The following SLC26A8 variants were observed in gnomAD, a reference collection of about 807,000 sequenced individuals.
SLC26A8 encodes the protein testis anion transporter 1.
A neutral mutation model predicts 105.0 loss-of-function variants in SLC26A8; 70 were observed. The observed-to-expected ratio is 0.67, with a 90% CI of 0.55 to 0.81. SLC26A8 has a LOEUF of 0.81. Among genes scored for constraint, SLC26A8 ranks in the 40% least tolerant of loss-of-function variants. The pLI, the probability that SLC26A8 is intolerant of heterozygous loss-of-function variation, is 0.00. For synonymous variants in SLC26A8, 415 were observed against 438.3 expected (o/e 0.95, Z 0.66); for missense variants, 998 against 1,181.8 (o/e 0.84, Z 2.28).
rs1016758833 is a variant in SLC26A8, at chr6:35,947,877, A to G, written c.2472+3286T>C. ...GCCTGAGAGGCCGAGGCTGTGGTGC[A>G]CTGTGATCATGCCACTGCACTTCAG... On this transcript the variant is annotated intron_variant, in intron 19 of 19. Coordinates refer to ENST00000490799, the MANE Select transcript of SLC26A8 (RefSeq NM_052961.4). 1.1e-4 allele frequency among the ~76,000 whole-genome samples: 16 copies of G among 152,178 alleles called. 1 individual carries two copies. Among genetic ancestry groups the G allele is most frequent in the Admixed American group, 5.2e-4 (8 of 15,264 alleles).
chr6:35,955,534 G>A lies in SLC26A8; in HGVS notation c.1864-14C>T, dbSNP rs1220855109. On this transcript the variant is annotated splice_polypyrimidine_tract_variant and intron_variant, in intron 16 of 19. Coordinates refer to ENST00000490799, the MANE Select transcript of SLC26A8 (RefSeq NM_052961.4). ...TGTGTAAAGAATCTGGGACGACAGA[G>A]TTAAGGGAGGGCTGTGGTAAGACAC... 1.9e-6 allele frequency: 3 copies of A among 1,610,402 alleles called. No homozygotes were observed. The African/African-American group carries it at 4.0e-5, about 22-fold the overall frequency.
intron 10 of SLC26A8, 189 bp from the exon 11 acceptor site, chr6:35,969,143 A>C: frequency 1.8e-6 from 1 of 561,786 alleles, no homozygotes; most frequent in Non-Finnish European, 3.2e-6. Context: ...CTAGGTACTC[A>C]ATAAATACTC....
At position 36,015,994 on chromosome 6, in the gene SLC26A8, GT is replaced by G. The variant is rs1195602569; in HGVS notation, c.188+3525del. On this transcript the variant is annotated intron_variant, in intron 2 of 19. Coordinates refer to ENST00000490799, the MANE Select transcript of SLC26A8 (RefSeq NM_052961.4). ...TGATGTAGGTCACAAAGGATTCTTT[GT>G]TTTTTTTTTTTCTTTTTGAGACAGA... 4.9e-3 allele frequency among the ~76,000 whole-genome samples: 708 copies of G among 145,232 alleles called. 7 individuals are homozygous for G. Among genetic ancestry groups the G allele is most frequent in the East Asian group, 0.016 (82 of 5,014 alleles).
intron 19 of SLC26A8, among the ~76,000 whole-genome samples, 176 bp from the exon 20 acceptor site, chr6:35,944,516 AATAATAATTATAATTATTAT>A (rs1015768558): frequency 1.1e-5 from 1 of 93,590 alleles, no homozygotes; most frequent in Non-Finnish European, 2.7e-5. Context: ...AACAAATAAT[AATAATAATTATAATTATTAT>A]ATAATAATAA....
chr6:36,017,171 A>G (rs1205028825), intron 2 of SLC26A8, among the ~76,000 whole-genome samples: 1 of 129,558 alleles, frequency 7.7e-6, no homozygotes, highest in African/African-American at 3.1e-5. Context: ...TTTGCCTCAA[A>G]AAGAAAGAAA....
At chr6:35,951,609 T>A in intron 17 of SLC26A8, 110 bp from the exon 18 acceptor site, 60 of 1,077,040 alleles carry the variant, frequency 5.6e-5, no homozygotes, top group Middle Eastern at 2.4e-4. Flanking sequence ...TGACAGAGTC[T>A]CACTCTGTCA....
Position 35,968,972 on chromosome 6 carries a change from G to A in SLC26A8, c.1288-18C>T, listed in dbSNP as rs758954962. On this transcript the variant is annotated intron_variant, in intron 10 of 19. Coordinates refer to ENST00000490799, the MANE Select transcript of SLC26A8 (RefSeq NM_052961.4). ...GATGCAAACTGAGGAGACAGAGCCAGTTGGAGAGAAACCATCAGGAACGTA... is the reference window on the plus strand; with the variant it reads ...GATGCAAACTGAGGAGACAGAGCCAATTGGAGAGAAACCATCAGGAACGTA... 10 of 1,609,366 alleles carry A rather than the reference G, an allele frequency of 6.2e-6. No homozygotes were observed. The highest frequency in any genetic ancestry group is 1.1e-5 in the South Asian group (1 of 90,374).
intron 7 of SLC26A8, among the ~76,000 whole-genome samples, chr6:35,991,403 A>G: frequency 3.0e-5 from 1 of 33,850 alleles, no homozygotes; most frequent in South Asian, 2.1e-3. Context: ...GACTCTGTCA[A>G]AAAAAAAAAA....
At chr6:35,944,450 C>A (rs953153290) in intron 19 of SLC26A8, 110 bp from the exon 20 acceptor site, 1 of 693,304 alleles carries the variant, frequency 1.4e-6, no homozygotes, top group East Asian at 2.7e-5. Context: ...GCAGGAGAAT[C>A]GCTTTAGACC....
intron 3 of SLC26A8, among the ~76,000 whole-genome samples, chr6:36,002,733 A>C (rs979508670): frequency 2.8e-5 from 4 of 144,894 alleles, no homozygotes; most frequent in Non-Finnish European, 6.0e-5. Flanking sequence ...TTGAGATGGC[A>C]TCTCTCTCTG....
chr6:36,007,691 A>ATAC (rs1761728407), intron 3 of SLC26A8, among the ~76,000 whole-genome samples: 2 of 152,220 alleles, frequency 1.3e-5, no homozygotes, highest in Non-Finnish European at 2.9e-5. Flanking sequence ...CTCACTGTCA[A>ATAC]GATATGGTAT....
intron 7 of SLC26A8, among the ~76,000 whole-genome samples, chr6:35,987,668 G>C (rs1233927142): frequency 6.6e-6 from 1 of 152,116 alleles, no homozygotes; most frequent in Non-Finnish European, 1.5e-5. Flanking sequence ...ACCGCTCCCA[G>C]TCTCCATTTT....
Position 35,951,188 on chromosome 6 carries a change from C to T in SLC26A8, c.2447G>A (p.Arg816Gln), listed in dbSNP as rs116200048. The change falls in exon 19 of 20, where the codon CGG (arginine) becomes CAG (glutamine). Residue 816 changes from arginine to glutamine, a missense_variant. Arg to Gln is a conservative substitution (Grantham distance 43). Coordinates refer to ENST00000490799, the MANE Select transcript of SLC26A8 (RefSeq NM_052961.4). ...CTTGTCTGTTTCTGAGTAGGTTTCC[C>T]GTATCACTGTCTCGGATTCATCGAT... Reference protein sequence around the residue: ...LSIDESETVIRETYSETDKND... With the variant: ...LSIDESETVIQETYSETDKND... The T allele has an allele frequency of 0.01, 16,432 of 1,613,726 alleles. 112 individuals are homozygous for T. Among genetic ancestry groups the T allele is most frequent in the Non-Finnish European group, 0.012 (14,743 of 1,179,964 alleles).
intron 5 of SLC26A8, among the ~76,000 whole-genome samples, chr6:35,994,111 CT>C (rs759838239): frequency 0.012 from 1,393 of 118,526 alleles, 30 homozygotes; most frequent in African/African-American, 0.034. Flanking sequence ...CTTTTTTTTT[CT>C]TTTCTTTTTT....
chr6:36,024,010 C>A (rs766155597), intron 1 of SLC26A8, among the ~76,000 whole-genome samples: 2 of 148,600 alleles, frequency 1.3e-5, no homozygotes, highest in African/African-American at 2.5e-5. Flanking sequence ...GGTGGGGGTG[C>A]TGGAGAAGGC....
rs1028572418 is a variant in SLC26A8, at chr6:35,944,064, T to C, written c.2749A>G (p.Arg917Gly). 4 of 1,613,942 alleles carry C rather than the reference T, an allele frequency of 2.5e-6. No homozygotes were observed. In the Admixed American group the frequency reaches 5.0e-5, roughly 20 times the overall value. ...TGAGGAAAAGTGTGAGCTCTTGGCCTAGATTTGGGGTTGGGCTCCATCTCA... is the reference window on the plus strand; with the variant it reads ...TGAGGAAAAGTGTGAGCTCTTGGCCCAGATTTGGGGTTGGGCTCCATCTCA... ...EPEMEPNPKS[R>G]PRAHTFPQQR... The change falls in exon 20 of 20, where the codon AGG becomes GGG. Residue 917 changes from arginine (R) to glycine (G), a missense_variant. Coordinates refer to ENST00000490799, the MANE Select transcript of SLC26A8 (RefSeq NM_052961.4).
chr6:35,961,778 C>T (rs1227145704), intron 12 of SLC26A8, among the ~76,000 whole-genome samples: 1 of 152,214 alleles, frequency 6.6e-6, no homozygotes, highest in Non-Finnish European at 1.5e-5. Context: ...ATTCTATCCT[C>T]CACCTTTTAT....
rs551587256 is a variant in SLC26A8, at chr6:35,958,754, G to A, written c.1863+706C>T. On this transcript the variant is annotated intron_variant, in intron 16 of 19. Transcript: ENST00000490799. ...GTTGCGGGGGAGGATGTAAATCTTT[G>A]TGTATAGAGAGAGCTGCCCCTCCAG... Among the ~76,000 whole-genome samples the A allele has an allele frequency of 9.2e-5, 14 of 152,272 alleles. No individual in the cohort carries two copies. In the South Asian group the frequency reaches 2.9e-3, roughly 32 times the overall value.
rs2127281692 is a variant in SLC26A8, at chr6:35,943,950, G to C, written c.2863C>G (p.His955Asp). Residue 955 changes from histidine to aspartate, a missense_variant, in exon 20 of 20, where the codon CAT becomes GAT. Coordinates refer to ENST00000490799, the MANE Select transcript of SLC26A8 (RefSeq NM_052961.4). ...TRTWSVERRR[H>D]PMDSYSPEGN... is the part of the protein sequence containing the mutation. ...TCTGGTGAGTATGAATCCATAGGAT[G>C]GCGTCTCCTCTCCACTGACCATGTC... The C allele has an allele frequency of 3.1e-6, 5 of 1,614,170 alleles. No homozygotes were observed. In the Middle Eastern group the frequency reaches 6.6e-4, roughly 213 times the overall value.
Sources: gnomAD v4.1 joint callset for allele counts (sites outside exome capture counted in the v4.1 genomes callset) on GRCh38, gnomAD v4.1.1 for gene constraint, MANE v1.5 for transcripts, NCBI Gene and HGNC (gene_info 2026-07-23, HGNC 2026-07-21) for gene names.